GSAP: variants seen among roughly 807,000 people sequenced by gnomAD.
The protein encoded by GSAP is gamma-secretase activating protein.
In GSAP, 118 loss-of-function variants were observed where a neutral mutation model predicts 131.7. The ratio of observed to expected loss-of-function variants is 0.90; its 90% CI spans 0.77 to 1.04. GSAP has a LOEUF of 1.04. Ranked by LOEUF, GSAP falls within the 50% of genes least tolerant of loss-of-function variation. GSAP has a pLI of 0.00. For synonymous variants in GSAP, 381 were observed against 363.4 expected (o/e 1.05, Z -0.55); for missense variants, 1,019 against 1,013.2 (o/e 1.01, Z -0.08).
At chr7:77,379,614 C>A in intron 8 of GSAP, among the ~76,000 whole-genome samples, 1 of 152,092 alleles carries the variant, frequency 6.6e-6, no homozygotes, top group East Asian at 1.9e-4. Context: ...CTCTTCTAAC[C>A]AGCCAGTCCC....
chr7:77,351,320 T>C, intron 18 of GSAP: 1 of 893,700 alleles, frequency 1.1e-6, no homozygotes, highest in Non-Finnish European at 1.3e-6. Flanking sequence ...ATTATCTATG[T>C]GTAAGGGCAT....
intron 19 of GSAP, among the ~76,000 whole-genome samples, chr7:77,349,051 C>A (rs1476404090): frequency 6.6e-6 from 1 of 152,176 alleles, no homozygotes; most frequent in African/African-American, 2.4e-5. Flanking sequence ...AAGACCTCCC[C>A]CAGTACAGCC....
chr7:77,336,798 T>C (rs965471743), intron 19 of GSAP, among the ~76,000 whole-genome samples: 5 of 152,174 alleles, frequency 3.3e-5, no homozygotes, highest in Admixed American at 1.3e-4. Context: ...AGTATCATCT[T>C]ATTTTTTTAA....
chr7:77,397,582 C>CA (rs1199334373), intron 3 of GSAP, among the ~76,000 whole-genome samples, 167 bp from the exon 4 acceptor site: 4 of 151,544 alleles, frequency 2.6e-5, no homozygotes, highest in Non-Finnish European at 5.9e-5. Context: ...TACTCTTTAC[C>CA]AAAAAAAAGT....
intron 12 of GSAP, among the ~76,000 whole-genome samples, chr7:77,368,506 T>C (rs1315114059): frequency 6.6e-6 from 1 of 152,206 alleles, no homozygotes; most frequent in African/African-American, 2.4e-5. Context: ...GGATCACAGA[T>C]GCCCAGGTTC....
chr7:77,330,649 G>A (rs1235268042), intron 19 of GSAP: 2 of 1,029,922 alleles, frequency 1.9e-6, no homozygotes, highest in Non-Finnish European at 1.2e-6. Flanking sequence ...AAAACCAACA[G>A]GACTTCCCCA....
At chr7:77,317,390 T>TG (rs1786996190) in intron 26 of GSAP, among the ~76,000 whole-genome samples, 1 of 87,096 alleles carries the variant, frequency 1.1e-5, no homozygotes, top group Non-Finnish European at 2.1e-5. Flanking sequence ...GGTTGGGGGC[T>TG]GGGGGAGGGA....
intron 8 of GSAP, among the ~76,000 whole-genome samples, chr7:77,379,333 G>A (rs1281312643): frequency 6.6e-6 from 1 of 150,760 alleles, no homozygotes; most frequent in African/African-American, 2.4e-5. Flanking sequence ...ATCATGCAGG[G>A]ATGTTGCAAA....
In GSAP at chr7:77,408,710, A is replaced by G. The variant is rs553137589; in HGVS notation, c.110-2605T>C. ...CCTCCAAAAAAAAAAAAAAAAAAAA[A>G]AAAGAAAAGATAAATTGCTTAAATT... On this transcript the variant is annotated intron_variant, in intron 1 of 30. Transcript: ENST00000257626. Among the ~76,000 whole-genome samples the G allele has an allele frequency of 1.4e-4, 21 of 150,840 alleles. 1 individual carries two copies. In the South Asian group the frequency reaches 1.7e-3, roughly 12 times the overall value.
intron 12 of GSAP, among the ~76,000 whole-genome samples, chr7:77,364,808 GAC>G (rs1563036438): frequency 6.6e-6 from 1 of 152,178 alleles, no homozygotes; most frequent in Non-Finnish European, 1.5e-5. Flanking sequence ...GGGAAAAAAA[GAC>G]ACAGCAAGTT....
chr7:77,338,190 T>A (rs187870667), intron 19 of GSAP, among the ~76,000 whole-genome samples: 1,592 of 152,178 alleles, frequency 0.01, 9 homozygotes, highest in Non-Finnish European at 0.016. Context: ...CAAAATTTTT[T>A]AAAAATAACC....
intron 28 of GSAP, among the ~76,000 whole-genome samples, chr7:77,313,268 G>C (rs748177443): frequency 2.0e-5 from 3 of 151,696 alleles, no homozygotes; most frequent in Non-Finnish European, 4.4e-5. Context: ...TCACTGGACT[G>C]TGCCAAGGCA....
At chr7:77,381,171 G>C in intron 8 of GSAP, 134 bp downstream of exon 8, 2 of 457,230 alleles carry the variant, frequency 4.4e-6, no homozygotes, top group Non-Finnish European at 7.8e-6. Flanking sequence ...CATTAAAACA[G>C]CAAGTCTATA....
In GSAP at chr7:77,416,244, C is replaced by T. The variant is rs1211089331; in HGVS notation, c.78G>A (p.Ser26=). 1.3e-6 allele frequency: 2 copies of T among 1,489,892 alleles called. No homozygotes were observed. The highest frequency in any genetic ancestry group is 2.3e-5 in the Admixed American group (1 of 42,978). The allele number at this position is 1,489,892 out of a possible 1,614,324, so 92.3% of individuals were successfully genotyped here. A position where few individuals can be genotyped will look rare whatever the true frequency, so the allele number is the denominator to read the frequency against. ...CGCCGCTTCCGGCCCCGCTGGCCTC[C>T]GACACTGCCCGCTGCGCCCGCAACC... is the stretch of plus-strand genomic sequence containing the variant. ...LPWLRAQRAV[S]EASGAGSGGA... The change falls in exon 1 of 31, where the codon TCG becomes TCA. Residue 26 remains serine, a synonymous_variant. Coordinates refer to ENST00000257626, the MANE Select transcript of GSAP (RefSeq NM_017439.4).
intron 14 of GSAP, among the ~76,000 whole-genome samples, chr7:77,357,893 C>T (rs1793988455): frequency 6.6e-6 from 1 of 152,170 alleles, no homozygotes; most frequent in Non-Finnish European, 1.5e-5. Flanking sequence ...CTAAGTTTGC[C>T]ATAATTTGTT....
intron 26 of GSAP, 147 bp downstream of exon 26, chr7:77,320,578 C>G: frequency 1.6e-6 from 1 of 619,148 alleles, no homozygotes; most frequent in Non-Finnish European, 2.8e-6. Flanking sequence ...AGAGACCAAC[C>G]TAAGGGCCCA....
chr7:77,350,086 T>C (rs1456122177), intron 18 of GSAP, among the ~76,000 whole-genome samples: 1 of 151,948 alleles, frequency 6.6e-6, no homozygotes, highest in Non-Finnish European at 1.5e-5. Context: ...TGGAATACTA[T>C]GCAGCCATAA....
chr7:77,397,177 T>G, intron 4 of GSAP, 142 bp from the exon 5 acceptor site: 1 of 684,652 alleles, frequency 1.5e-6, no homozygotes, highest in Non-Finnish European at 2.5e-6. Flanking sequence ...CATTCTTTTT[T>G]GTAGGTATAT....
Position 77,387,344 on chromosome 7 carries a change from TG to T in GSAP, c.456+15del. 7.8e-7 allele frequency: 1 copy of T among 1,281,286 alleles called. No individual in the cohort carries two copies. The highest frequency in any genetic ancestry group is 1.1e-6 in the Non-Finnish European group (1 of 876,640). 79.4% of individuals were successfully genotyped at this position (1,281,286 alleles called of 1,614,324 possible). A position where few individuals can be genotyped will look rare whatever the true frequency, so the allele number is the denominator to read the frequency against. On this transcript the variant is annotated intron_variant, in intron 6 of 30. Coordinates refer to ENST00000257626, the MANE Select transcript of GSAP (RefSeq NM_017439.4). ...TTTGATTAATGAGATAAGTGATAAA[TG>T]GCATGCTTACTTACCTGAACCCAAA...
Sources: allele counts gnomAD v4.1 joint callset (sites outside exome capture counted in the v4.1 genomes callset), GRCh38; gene constraint gnomAD v4.1.1; transcripts MANE v1.5; gene names NCBI Gene and HGNC (gene_info 2026-07-23, HGNC 2026-07-21).